The following CPOX variants were observed in gnomAD, a reference collection of about 807,000 sequenced individuals.
CPOX encodes oxygen-dependent coproporphyrinogen-III oxidase, mitochondrial.
Under a neutral mutation model 48.9 loss-of-function variants are expected in CPOX, and 24 were observed. That is an observed-to-expected ratio of 0.49 (90% CI 0.36 to 0.69). The LOEUF (loss-of-function observed/expected upper bound fraction) is 0.69. Among genes scored for constraint, CPOX ranks in the 30% least tolerant of loss-of-function variants. The pLI, the probability that CPOX is intolerant of heterozygous loss-of-function variation, is 0.00. For missense variants in CPOX, 549 were observed against 597.3 expected (o/e 0.92, Z 0.84); for synonymous variants, 249 against 234.6 (o/e 1.06, Z -0.56).
rs1576297095 is a variant in CPOX, at chr3:98,580,594, A to G, written c.*89T>C. On this transcript the variant is annotated 3_prime_UTR_variant, in exon 7 of 7. Coordinates refer to ENST00000647941, the MANE Select transcript of CPOX (RefSeq NM_000097.7). ...AGTGGAGAAGACTAAGGCACGGGTA[A>G]CTGCCACACAGTGGCAAAGTGCCGA... 6.2e-7 allele frequency: 1 copy of G among 1,602,168 alleles called. No homozygotes were observed. Among genetic ancestry groups the G allele is most frequent in the Admixed American group, 1.7e-5 (1 of 58,510 alleles).
downstream of CPOX, among the ~76,000 whole-genome samples, chr3:98,578,801 C>T (rs932105847): frequency 7.2e-5 from 11 of 152,152 alleles, no homozygotes; most frequent in African/African-American, 1.9e-4. Context: ...TTTTAATATA[C>T]GCATATATCA....
intron 5 of CPOX, among the ~76,000 whole-genome samples, chr3:98,582,347 G>C (rs1707273632): frequency 6.6e-6 from 1 of 152,034 alleles, no homozygotes; most frequent in African/African-American, 2.4e-5. Context: ...AATAAACAGT[G>C]CCCCTTTCAG....
downstream of CPOX, among the ~76,000 whole-genome samples, chr3:98,579,252 G>A (rs1707206494): frequency 6.6e-6 from 1 of 152,098 alleles, no homozygotes; most frequent in African/African-American, 2.4e-5. Context: ...CTATGTTATT[G>A]GTCAGGCTAC....
Position 98,593,216 on chromosome 3 carries a change from G to T in CPOX, c.289C>A (p.Gln97Lys), listed in dbSNP as rs1413355249. The change falls in exon 1 of 7, where the codon CAG becomes AAG. Residue 97 changes from glutamine to lysine, a missense_variant. Coordinates refer to ENST00000647941, the MANE Select transcript of CPOX (RefSeq NM_000097.7). ...GLATAAFGHV[Q>K]RAEMLPKTSG... ...GTCTTAGGCAACATCTCCGCCCGCT[G>T]CACATGCCCGAAGGCGGCGGTGGCC... 6.3e-7 allele frequency: 1 copy of T among 1,577,772 alleles called. No homozygotes were observed. The highest frequency in any genetic ancestry group is 8.6e-7 in the Non-Finnish European group (1 of 1,162,518).
chr3:98,584,759 C>G (rs1158449388), intron 5 of CPOX, among the ~76,000 whole-genome samples: 1 of 152,142 alleles, frequency 6.6e-6, no homozygotes, highest in South Asian at 2.1e-4. Context: ...ACTGGACACC[C>G]CACTGAGCTC....
At chr3:98,590,234 G>C (rs1707451710) in intron 3 of CPOX, among the ~76,000 whole-genome samples, 1 of 152,226 alleles carries the variant, frequency 6.6e-6, no homozygotes, top group Admixed American at 6.5e-5. Context: ...TGCAACCTCC[G>C]CCTCCCAGGT....
chr3:98,570,677 T>TG, the CPOX span, among the ~76,000 whole-genome samples: 1 of 152,202 alleles, frequency 6.6e-6, no homozygotes, highest in East Asian at 1.9e-4. Flanking sequence ...ATTAAATACT[T>TG]GATATACACA....
At chr3:98,592,819 AAGCGGCCTCTCTGTGGGTACCCCCTACCT>A (rs1449662894) in intron 1 of CPOX, 101 bp downstream of exon 1, 1 of 978,764 alleles carries the variant, frequency 1.0e-6, no homozygotes, top group Non-Finnish European at 1.6e-6. Flanking sequence ...GCCTCTAACC[AAGCGGCCTCTCTGTGGGTACCCCCTACCT>A]ACCCCATCCC....
At chr3:98,585,791 A>T in intron 4 of CPOX, 132 bp from the exon 5 acceptor site, 1 of 759,258 alleles carries the variant, frequency 1.3e-6, no homozygotes, top group Non-Finnish European at 2.4e-6. Context: ...CTGTCCAACT[A>T]TGAAAATGAA....
At chr3:98,576,062 A>G, downstream of CPOX, among the ~76,000 whole-genome samples, 1 of 116,090 alleles carries the variant, frequency 8.6e-6, no homozygotes, top group Non-Finnish European at 1.7e-5. Context: ...ACAAGAGTGA[A>G]ACTCTGCCTC....
intron 5 of CPOX, among the ~76,000 whole-genome samples, chr3:98,582,579 G>A (rs1250094136): frequency 6.6e-6 from 1 of 151,092 alleles, no homozygotes; most frequent in African/African-American, 2.4e-5. Context: ...TGCAAGCTCC[G>A]CCTCCGGGGT....
In CPOX at chr3:98,579,459, A is replaced by G; in HGVS notation, c.*1224T>C. 1.3e-6 allele frequency: 1 copy of G among 771,296 alleles called. No homozygotes were observed. Among genetic ancestry groups the G allele is most frequent in the Middle Eastern group, 6.8e-4 (1 of 1,466 alleles). 47.8% of individuals were successfully genotyped at this position (771,296 alleles called of 1,614,324 possible). On this transcript the variant is annotated 3_prime_UTR_variant, in exon 7 of 7. Transcript: ENST00000647941. ...TATAAATATTTCTTAGTCTTATTTAATAATAAAATTTATTAGCAGATCTCT... is the reference window on the plus strand; with the variant it reads ...TATAAATATTTCTTAGTCTTATTTAGTAATAAAATTTATTAGCAGATCTCT...
chr3:98,581,256 G>T, intron 6 of CPOX, 151 bp downstream of exon 6: 1 of 667,622 alleles, frequency 1.5e-6, no homozygotes, highest in Non-Finnish European at 2.7e-6. Context: ...AATTTGATTT[G>T]CCTTATTTGA....
At chr3:98,584,042 T>C (rs1576299559) in intron 5 of CPOX, among the ~76,000 whole-genome samples, 1 of 152,300 alleles carries the variant, frequency 6.6e-6, no homozygotes, top group East Asian at 1.9e-4. Flanking sequence ...TTCAGAATGA[T>C]CTGCCATCAA....
At position 98,593,406 on chromosome 3, in the gene CPOX, T is replaced by TCCG; in HGVS notation, c.96_98dup (p.Gly34dup). ...TGCGCTGGGACCAGGCTCGGAGCCCTCCGCCGCCGCACTGGGACCAGGCGC... is the reference window on the plus strand; with the variant it reads ...TGCGCTGGGACCAGGCTCGGAGCCCTCCGCCGCCGCCGCACTGGGACCAGGCGC... On this transcript the variant is annotated inframe_insertion, in exon 1 of 7. Transcript: ENST00000647941. 1 of 1,429,732 alleles carries TCCG rather than the reference T, an allele frequency of 7.0e-7. No homozygotes were observed. The highest frequency in any genetic ancestry group is 3.0e-5 in the East Asian group (1 of 33,422). 88.6% of individuals were successfully genotyped at this position (1,429,732 alleles called of 1,614,324 possible). A position where few individuals can be genotyped will look rare whatever the true frequency, so the allele number is the denominator to read the frequency against.
At chr3:98,575,005 AAGC>A (rs1438545676), downstream of CPOX, among the ~76,000 whole-genome samples, 1 of 152,220 alleles carries the variant, frequency 6.6e-6, no homozygotes, top group African/African-American at 2.4e-5. Context: ...GAAGAATGTC[AAGC>A]AGCAGGTGTG....
intron 4 of CPOX, among the ~76,000 whole-genome samples, chr3:98,588,448 A>T (rs1306844540): frequency 6.6e-6 from 1 of 152,252 alleles, no homozygotes; most frequent in Non-Finnish European, 1.5e-5. Context: ...CTCATTCTCA[A>T]GCATAGATGA....
At chr3:98,573,820 ATCT>A in the CPOX span, among the ~76,000 whole-genome samples, 1 of 152,230 alleles carries the variant, frequency 6.6e-6, no homozygotes, top group Non-Finnish European at 1.5e-5. Context: ...TCATGTTAAC[ATCT>A]TCTATTTGGA....
chr3:98,579,412 A>G, downstream of CPOX: 1 of 679,084 alleles, frequency 1.5e-6, no homozygotes, highest in Non-Finnish European at 1.8e-6. Context: ...GCGTTTTCCT[A>G]TATTATCCTG....
Sources: gnomAD v4.1 joint callset for allele counts (sites outside exome capture counted in the v4.1 genomes callset) on GRCh38, gnomAD v4.1.1 for gene constraint, MANE v1.5 for transcripts, NCBI Gene and HGNC (gene_info 2026-07-23, HGNC 2026-07-21) for gene names.